The following MLPH variants were observed in gnomAD, a reference collection of about 807,000 sequenced individuals.
MLPH encodes exophilin-3.
MLPH carries 51 observed loss-of-function variants against 72.1 expected under a neutral mutation model. The observed-to-expected ratio is 0.71, with a 90% CI of 0.56 to 0.89. The LOEUF (loss-of-function observed/expected upper bound fraction) is 0.89. Ranked by LOEUF, MLPH falls within the 40% of genes least tolerant of loss-of-function variation. The pLI, the probability that MLPH is intolerant of heterozygous loss-of-function variation, is 0.00. For synonymous variants in MLPH, 301 were observed against 310.1 expected (o/e 0.97, Z 0.31); for missense variants, 743 against 759.9 (o/e 0.98, Z 0.26).
intron 6 of MLPH, among the ~76,000 whole-genome samples, chr2:237,523,508 C>G (rs1349811055): frequency 1.3e-5 from 2 of 152,112 alleles, no homozygotes; most frequent in Non-Finnish European, 2.9e-5. Flanking sequence ...CATACTTTCT[C>G]CATAGATAAG....
intron 12 of MLPH, 77 bp from the exon 13 acceptor site, chr2:237,546,529 T>C: frequency 3.1e-6 from 4 of 1,272,550 alleles, no homozygotes; most frequent in Non-Finnish European, 4.6e-6. Flanking sequence ...CATCCTTACA[T>C]CCAGCTGACC....
At chr2:237,531,804 A>C (rs2080425710) in intron 8 of MLPH, among the ~76,000 whole-genome samples, 1 of 152,192 alleles carries the variant, frequency 6.6e-6, no homozygotes, top group Non-Finnish European at 1.5e-5. Context: ...GGACTAGTGA[A>C]GTTTTCACCT....
rs1387031893 is a variant in MLPH, at chr2:237,549,253, G to A, written c.1650G>A (p.Lys550=). 15 of 1,614,192 alleles carry A rather than the reference G, an allele frequency of 9.3e-6. No homozygotes were observed. The highest frequency in any genetic ancestry group is 1.3e-5 in the Non-Finnish European group (15 of 1,180,008). ...CTGTGCCCTATCTTCTGAGAAGAAA[G>A]TTCAGTAATTCCCTGAAAAGTCAAG... ...AMAVPYLLRR[K]FSNSLKSQGK... The change falls in exon 14 of 16, where the codon AAG becomes AAA. Residue 550 remains lysine, a synonymous_variant. Coordinates refer to ENST00000264605, the MANE Select transcript of MLPH (RefSeq NM_024101.7).
chr2:237,550,628 C>A (rs1220760615), intron 14 of MLPH, among the ~76,000 whole-genome samples: 1 of 152,112 alleles, frequency 6.6e-6, no homozygotes, highest in African/African-American at 2.4e-5. Context: ...CAGCTCACTG[C>A]ACCCCCCGCT....
chr2:237,519,971 A>G lies in MLPH; in HGVS notation c.617A>G (p.Gln206Arg). The change falls in exon 6 of 16, where the codon CAG (glutamine) becomes CGG (arginine). Residue 206 changes from glutamine (Q) to arginine (R), a missense_variant. Transcript: ENST00000264605. ...DFEGDSDDST[Q>R]PQGHSLHLSS... ...GAGGGAGACTCAGATGACTCCACTCAGCCTCAAGGTCACTCCCTGCACCTG... is the reference window on the plus strand; with the variant it reads ...GAGGGAGACTCAGATGACTCCACTCGGCCTCAAGGTCACTCCCTGCACCTG... 1 of 1,614,056 alleles carries G rather than the reference A, an allele frequency of 6.2e-7. No individual in the cohort carries two copies. The highest frequency in any genetic ancestry group is 8.5e-7 in the Non-Finnish European group (1 of 1,180,006).
At chr2:237,519,761 G>T in intron 5 of MLPH, 149 bp from the exon 6 acceptor site, 1 of 1,166,174 alleles carries the variant, frequency 8.6e-7, no homozygotes, top group Non-Finnish European at 1.3e-6. Context: ...GGTCAGGTTT[G>T]TTCCTAGTGG....
At chr2:237,552,242 T>C in intron 14 of MLPH, 95 bp from the exon 15 acceptor site, 1 of 974,884 alleles carries the variant, frequency 1.0e-6, no homozygotes, top group Non-Finnish European at 1.6e-6. Context: ...TGTCCATTTT[T>C]TTCTACCTTT....
intron 8 of MLPH, among the ~76,000 whole-genome samples, chr2:237,532,365 C>G (rs2080437807): frequency 6.6e-6 from 1 of 152,184 alleles, no homozygotes; most frequent in African/African-American, 2.4e-5. Flanking sequence ...TTGTTCAAGC[C>G]CAGACAAGGC....
rs1469258507 is a variant in MLPH at position 237,505,899 on chromosome 2, C to T, written c.111-4675C>T. On this transcript the variant is annotated intron_variant, in intron 2 of 15. Coordinates refer to ENST00000264605, the MANE Select transcript of MLPH (RefSeq NM_024101.7). The surrounding 1 kb of genome is among the most constrained non-coding windows in gnomAD (Gnocchi z 4.5). ...ACTGCAGAGGACAGTAATGTGGGTC[C>T]CCTGCCCCAAGGACAAGGACAGCAC... is the stretch of plus-strand genomic sequence containing the variant. Among the ~76,000 whole-genome samples, 4 of 152,192 alleles carry T rather than the reference C, an allele frequency of 2.6e-5. No individual in the cohort carries two copies. The highest frequency in any genetic ancestry group is 9.6e-5 in the African/African-American group (4 of 41,454).
chr2:237,513,273 C>T (rs975473385), intron 4 of MLPH, among the ~76,000 whole-genome samples: 1 of 152,144 alleles, frequency 6.6e-6, no homozygotes, highest in South Asian at 2.1e-4. Context: ...ATAGAGGACG[C>T]GGCAGGCTCT....
intron 2 of MLPH, among the ~76,000 whole-genome samples, chr2:237,508,780 A>C (rs1414758885): frequency 6.6e-6 from 1 of 152,106 alleles, no homozygotes; most frequent in Non-Finnish European, 1.5e-5. Context: ...CTCCACCAGC[A>C]TAGCCGGTGG....
At chr2:237,538,775 T>C (rs1183232032) in intron 9 of MLPH, among the ~76,000 whole-genome samples, 1 of 152,222 alleles carries the variant, frequency 6.6e-6, no homozygotes, top group Admixed American at 6.5e-5. Context: ...TGGTGTATTT[T>C]GGTTTCCTTC....
At chr2:237,534,985 G>A (rs1243792351) in intron 9 of MLPH, among the ~76,000 whole-genome samples, 1 of 152,202 alleles carries the variant, frequency 6.6e-6, no homozygotes, top group East Asian at 1.9e-4. Context: ...AGGCACCAAA[G>A]CAGGGTGGAA....
chr2:237,491,664 G>A (rs1008603647), intron 1 of MLPH, among the ~76,000 whole-genome samples: 2 of 152,200 alleles, frequency 1.3e-5, no homozygotes, highest in African/African-American at 4.8e-5. Flanking sequence ...TCTGTGGGGA[G>A]CGTGCACAGT....
chr2:237,536,829 GC>G (rs2080541068), intron 9 of MLPH, among the ~76,000 whole-genome samples: 1 of 152,216 alleles, frequency 6.6e-6, no homozygotes, highest in Non-Finnish European at 1.5e-5. Flanking sequence ...CCTGGCTCCA[GC>G]CCACCCAGAA....
At position 237,555,058 on chromosome 2, in the gene MLPH, C is replaced by G. The variant is rs1161027121; in HGVS notation, c.*1466C>G. 6.6e-6 allele frequency: 1 copy of G among 152,102 alleles called. No homozygotes were observed. The highest frequency in any genetic ancestry group is 2.4e-5 in the African/African-American group (1 of 41,400). The allele number at this position is 152,102 out of a possible 1,614,324, so 9.4% of individuals were successfully genotyped here. ...CCAAGGTGGGAGAATTGCTTGAGGC[C>G]AGGAGTTTGAGACCTCCTGGGCAAC... On this transcript the variant is annotated 3_prime_UTR_variant, in exon 16 of 16. Transcript: ENST00000264605.
upstream of MLPH, chr2:237,487,021 G>C (rs546134419): frequency 1.3e-4 from 20 of 152,352 alleles, no homozygotes; most frequent in African/African-American, 3.6e-4. Flanking sequence ...GGGAATCGCA[G>C]CTGTGTGCTC....
chr2:237,503,952 C>G (rs1283999668), intron 2 of MLPH, among the ~76,000 whole-genome samples: 1 of 152,114 alleles, frequency 6.6e-6, no homozygotes, highest in Non-Finnish European at 1.5e-5. Flanking sequence ...TCCCGGGTTC[C>G]CTGGGCGGGC....
At chr2:237,533,259 C>A (rs918726795) in intron 8 of MLPH, among the ~76,000 whole-genome samples, 2 of 152,044 alleles carry the variant, frequency 1.3e-5, no homozygotes, top group African/African-American at 4.8e-5. Context: ...AAACACAGTT[C>A]CCAGGTGGAG....
Sources: allele counts gnomAD v4.1 joint callset (sites outside exome capture counted in the v4.1 genomes callset), GRCh38; gene constraint gnomAD v4.1.1; non-coding constraint Gnocchi (gnomAD v3.1); transcripts MANE v1.5; gene names NCBI Gene and HGNC (gene_info 2026-07-23, HGNC 2026-07-21).